SAMD12: variants seen among roughly 807,000 people sequenced by gnomAD.
The protein encoded by SAMD12 is sterile alpha motif domain containing 12, also known as sterile alpha motif domain-containing protein 12.
In SAMD12, 9 loss-of-function variants were observed where a neutral mutation model predicts 15.0. The ratio of observed to expected loss-of-function variants is 0.60; its 90% CI spans 0.36 to 1.05. The LOEUF (loss-of-function observed/expected upper bound fraction) is 1.05, where lower values mean the gene tolerates loss of function less well. Ranked by LOEUF, SAMD12 falls within the 50% of genes least tolerant of loss-of-function variation. The pLI is 0.01. For missense variants in SAMD12, 230 were observed against 234.2 expected (o/e 0.98, Z 0.12); for synonymous variants, 86 against 90.1 (o/e 0.96, Z 0.25).
chr8:118,508,807 G>A (rs1824995122), intron 2 of SAMD12, among the ~76,000 whole-genome samples: 1 of 152,158 alleles, frequency 6.6e-6, no homozygotes, highest in Admixed American at 6.5e-5. Context: ...GATATGAAAA[G>A]GATGAATGCG....
chr8:118,584,146 T>G (rs1313142425), intron 1 of SAMD12, among the ~76,000 whole-genome samples: 4 of 152,222 alleles, frequency 2.6e-5, no homozygotes, highest in Non-Finnish European at 5.9e-5. Context: ...AGGCTTATTT[T>G]TCACACAAAT....
the SAMD12 span, among the ~76,000 whole-genome samples, chr8:118,143,134 T>C: frequency 6.6e-6 from 1 of 152,168 alleles, no homozygotes. Flanking sequence ...TTGTGATTTC[T>C]GGGGACACAG....
chr8:118,369,451 C>T (rs1027283492), intron 4 of SAMD12, among the ~76,000 whole-genome samples: 5 of 152,146 alleles, frequency 3.3e-5, no homozygotes, highest in African/African-American at 1.2e-4. Context: ...CACAGTGGCT[C>T]ACTCCTGTAA....
chr8:118,568,942 A>C (rs1324132599), intron 2 of SAMD12, among the ~76,000 whole-genome samples: 1 of 152,200 alleles, frequency 6.6e-6, no homozygotes, highest in African/African-American at 2.4e-5. Context: ...AATTTTAAAA[A>C]ATTCTGCTTG....
chr8:118,370,094 A>T (rs953182650), intron 4 of SAMD12, among the ~76,000 whole-genome samples: 19 of 152,178 alleles, frequency 1.2e-4, no homozygotes, highest in African/African-American at 4.6e-4. Flanking sequence ...ACAAGAAGAA[A>T]ACAAACAACC....
Position 118,568,235 on chromosome 8 carries a change from C to T in SAMD12, c.192+12480G>A, listed in dbSNP as rs529526349. Among the ~76,000 whole-genome samples, 8 of 152,190 alleles carry T rather than the reference C, an allele frequency of 5.3e-5. No individual in the cohort carries two copies. The South Asian group carries it at 1.5e-3, about 28-fold the overall frequency. On this transcript the variant is annotated intron_variant, in intron 2 of 3. Coordinates refer to ENST00000314727, the MANE Select transcript of SAMD12 (RefSeq NM_207506.3). ...GATTTGAAGGAAATGAAGGGGTGCA[C>T]CTTGTGCATCCCAAGGAAAGAAGAT...
At chr8:118,259,341 G>A (rs1027586279) in intron 4 of SAMD12, among the ~76,000 whole-genome samples, 1 of 152,060 alleles carries the variant, frequency 6.6e-6, no homozygotes, top group Non-Finnish European at 1.5e-5. Context: ...TGCCCTCCAA[G>A]GGACATCTGG....
chr8:118,270,453 T>C (rs4124056), intron 4 of SAMD12, among the ~76,000 whole-genome samples: 3,301 of 152,298 alleles, frequency 0.022, 139 homozygotes, highest in African/African-American at 0.075. Context: ...AGCAATATCA[T>C]TACCATCCCG....
chr8:118,478,608 T>G (rs564202928), intron 2 of SAMD12, among the ~76,000 whole-genome samples: 1 of 152,350 alleles, frequency 6.6e-6, no homozygotes, highest in South Asian at 2.1e-4. Context: ...ATAAGTTAAC[T>G]TAGCAAACAT....
At chr8:118,205,802 G>C (rs1410104197) in intron 4 of SAMD12, among the ~76,000 whole-genome samples, 2 of 152,152 alleles carry the variant, frequency 1.3e-5, no homozygotes, top group Non-Finnish European at 2.9e-5. Flanking sequence ...TTTCTCTGGG[G>C]AGTTTTGAAG....
At chr8:118,542,146 GAAATAGGCC>G (rs1826004695) in intron 2 of SAMD12, among the ~76,000 whole-genome samples, 1 of 152,150 alleles carries the variant, frequency 6.6e-6, no homozygotes, top group Non-Finnish European at 1.5e-5. Context: ...AAGCCAGTGA[GAAATAGGCC>G]ACCCTGGCTG....
chr8:118,552,508 G>A (rs1826370889), intron 2 of SAMD12, among the ~76,000 whole-genome samples: 2 of 152,114 alleles, frequency 1.3e-5, no homozygotes, highest in Admixed American at 6.5e-5. Context: ...CAATAAATTA[G>A]GTATTGATGG....
At chr8:118,362,270 A>G (rs923079571) in intron 4 of SAMD12, among the ~76,000 whole-genome samples, 4 of 152,212 alleles carry the variant, frequency 2.6e-5, no homozygotes, top group African/African-American at 4.8e-5. Flanking sequence ...CAAAATTATT[A>G]TAGTAAAACT....
intron 4 of SAMD12, among the ~76,000 whole-genome samples, chr8:118,273,688 A>C (rs1444893548): frequency 1.3e-5 from 2 of 152,214 alleles, no homozygotes; most frequent in Non-Finnish European, 2.9e-5. Flanking sequence ...ATGGCCTTAA[A>C]GGAAGGCAGG....
intron 1 of SAMD12, among the ~76,000 whole-genome samples, chr8:118,599,610 G>A (rs1324345234): frequency 6.6e-6 from 1 of 152,118 alleles, no homozygotes; most frequent in African/African-American, 2.4e-5. Flanking sequence ...TTCAATGTTC[G>A]CTTAGGGATA....
At chr8:118,163,888 CAAAACA>C in the SAMD12 span, among the ~76,000 whole-genome samples, 4 of 147,074 alleles carry the variant, frequency 2.7e-5, no homozygotes, top group African/African-American at 7.5e-5. Context: ...CAAAACAAAA[CAAAACA>C]AAACAAAACA....
chr8:118,255,552 T>C (rs1812918140), intron 4 of SAMD12, among the ~76,000 whole-genome samples: 3 of 129,570 alleles, frequency 2.3e-5, no homozygotes, highest in Admixed American at 1.8e-4. Flanking sequence ...CCCCTTCCTG[T>C]GTCCATGTGT....
chr8:118,417,275 G>C (rs1438476705), intron 3 of SAMD12, among the ~76,000 whole-genome samples: 1 of 151,944 alleles, frequency 6.6e-6, no homozygotes, highest in Non-Finnish European at 1.5e-5. Context: ...GTAGAGACAG[G>C]GTCTCATTAT....
At chr8:118,340,805 A>C (rs1817322483) in intron 4 of SAMD12, among the ~76,000 whole-genome samples, 1 of 152,142 alleles carries the variant, frequency 6.6e-6, no homozygotes, top group South Asian at 2.1e-4. Context: ...ACACAATTCA[A>C]GGTTCTCCAG....
Sources: allele counts gnomAD v4.1 joint callset (sites outside exome capture counted in the v4.1 genomes callset), GRCh38; gene constraint gnomAD v4.1.1; transcripts MANE v1.5; gene names NCBI Gene and HGNC (gene_info 2026-07-23, HGNC 2026-07-21).